CNTNAP2: variants seen among roughly 807,000 people sequenced by gnomAD.
CNTNAP2 encodes the protein contactin-associated protein-like 2.
Under a neutral mutation model 155.2 loss-of-function variants are expected in CNTNAP2, and 98 were observed. The observed-to-expected ratio is 0.63, with a 90% CI of 0.54 to 0.75. CNTNAP2 has a LOEUF of 0.75. CNTNAP2 is among the 30% of genes least tolerant of loss of function. CNTNAP2 has a pLI of 0.00. For missense variants in CNTNAP2, 1,727 were observed against 1,688.1 expected (o/e 1.02, Z -0.40); for synonymous variants, 651 against 631.2 (o/e 1.03, Z -0.47).
intron 13 of CNTNAP2, among the ~76,000 whole-genome samples, chr7:147,649,025 G>T (rs1400728640): frequency 6.6e-6 from 1 of 152,004 alleles, no homozygotes. Context: ...TTTTTTGTGT[G>T]CATGATTAGA....
chr7:148,391,138 A>G (rs56186268), intron 22 of CNTNAP2, among the ~76,000 whole-genome samples: 2,278 of 152,370 alleles, frequency 0.015, 69 homozygotes, highest in African/African-American at 0.051. Context: ...ATAAAGAGAG[A>G]ACAGGCTTCT....
chr7:146,788,092 G>A (rs562351255), intron 2 of CNTNAP2, among the ~76,000 whole-genome samples: 1 of 152,200 alleles, frequency 6.6e-6, no homozygotes, highest in African/African-American at 2.4e-5. Context: ...ACGGGACTTT[G>A]TGGCACCTAG....
At chr7:147,339,692 G>A (rs192373359) in intron 9 of CNTNAP2, among the ~76,000 whole-genome samples, 1 of 126,920 alleles carries the variant, frequency 7.9e-6, no homozygotes, top group Non-Finnish European at 1.8e-5. Context: ...ATCAAAGCAA[G>A]AATTTTTTTT....
At chr7:147,048,851 GT>G (rs1258283477) in intron 4 of CNTNAP2, among the ~76,000 whole-genome samples, 1 of 152,096 alleles carries the variant, frequency 6.6e-6, no homozygotes, top group Non-Finnish European at 1.5e-5. Context: ...TGTTTTAAGT[GT>G]CAGTCTCTAT....
chr7:146,927,839 G>A (rs1249210126), intron 3 of CNTNAP2, among the ~76,000 whole-genome samples: 1 of 151,634 alleles, frequency 6.6e-6, no homozygotes. Flanking sequence ...TTTCACAGGT[G>A]TAAATGGAAT....
rs539775710 is a variant in CNTNAP2, at chr7:147,102,852, G to C, written c.551-5295G>C. On this transcript the variant is annotated intron_variant, in intron 4 of 23. Coordinates refer to ENST00000361727, the MANE Select transcript of CNTNAP2 (RefSeq NM_014141.6). Reference sequence around the variant, plus strand: ...AGCAATGTGTAGATGGAATGAGATTGAGTCCACCAGAGTTGTGTCTGTTCT... The same window carrying C: ...AGCAATGTGTAGATGGAATGAGATTCAGTCCACCAGAGTTGTGTCTGTTCT... Among the ~76,000 whole-genome samples, 6 of 151,986 alleles carry C rather than the reference G, an allele frequency of 3.9e-5. No individual in the cohort carries two copies. In the East Asian group the frequency reaches 1.2e-3, roughly 29 times the overall value.
chr7:146,239,247 C>T (rs115431239), intron 1 of CNTNAP2, among the ~76,000 whole-genome samples: 1,629 of 152,130 alleles, frequency 0.011, 27 homozygotes, highest in African/African-American at 0.037. Flanking sequence ...TCTGCAGCTC[C>T]GGCTTTGTAC....
chr7:147,512,918 G>A (rs1213661239), intron 11 of CNTNAP2, among the ~76,000 whole-genome samples: 1 of 152,038 alleles, frequency 6.6e-6, no homozygotes, highest in Non-Finnish European at 1.5e-5. Context: ...ATTAGAGTTA[G>A]CAAGCAGAGC....
intron 3 of CNTNAP2, among the ~76,000 whole-genome samples, chr7:147,008,176 A>G (rs925400269): frequency 2.6e-5 from 4 of 152,248 alleles, no homozygotes; most frequent in South Asian, 2.1e-4. Flanking sequence ...CATTTGTAGT[A>G]ACAATAAGGA....
intron 3 of CNTNAP2, among the ~76,000 whole-genome samples, chr7:146,972,627 C>T (rs1797826470): frequency 6.6e-6 from 1 of 152,090 alleles, no homozygotes; most frequent in Non-Finnish European, 1.5e-5. Context: ...CTGCGTCTGC[C>T]TTTGTGGGTG....
At chr7:148,041,655 A>T (rs1387215745) in intron 15 of CNTNAP2, among the ~76,000 whole-genome samples, 1 of 152,242 alleles carries the variant, frequency 6.6e-6, no homozygotes, top group Non-Finnish European at 1.5e-5. Flanking sequence ...TGCATAACTA[A>T]ATTTTGATTA....
rs181408801 is a variant in CNTNAP2, at chr7:147,517,258, C to T, written c.1777+31217C>T. 1.5e-3 allele frequency among the ~76,000 whole-genome samples: 229 copies of T among 152,240 alleles called. 3 individuals are homozygous for T. Among genetic ancestry groups the T allele is most frequent in the African/African-American group, 5.2e-3 (218 of 41,548 alleles). ...GTGAAATGGGATCTGATGCTATTCA[C>T]AAAGAGTTCTTCTTAATGCTTCAGA... On this transcript the variant is annotated intron_variant, in intron 11 of 23. Coordinates refer to ENST00000361727, the MANE Select transcript of CNTNAP2 (RefSeq NM_014141.6).
At chr7:147,066,375 G>A (rs918146600) in intron 4 of CNTNAP2, among the ~76,000 whole-genome samples, 2 of 152,182 alleles carry the variant, frequency 1.3e-5, no homozygotes, top group African/African-American at 4.8e-5. Flanking sequence ...TGACACAGCA[G>A]ACGGTGGCTT....
chr7:146,220,688 T>C (rs1027973358), intron 1 of CNTNAP2, among the ~76,000 whole-genome samples: 3 of 152,182 alleles, frequency 2.0e-5, no homozygotes, highest in East Asian at 1.9e-4. Context: ...ATAAAATATA[T>C]AATATCTGAT....
rs543421880 is a variant in CNTNAP2 at position 147,836,793 on chromosome 7, G to T, written c.2099-66772G>T. 7.4e-4 allele frequency among the ~76,000 whole-genome samples: 113 copies of T among 152,276 alleles called. 1 individual carries two copies. The South Asian group carries it at 0.021, about 29-fold the overall frequency. ...GAGTGATAGTATTTAGCCTTGGATG[G>T]AGCTCTTGTCTGTTATTCAAACTTA... On this transcript the variant is annotated intron_variant, in intron 13 of 23. Transcript: ENST00000361727.
At chr7:146,930,512 A>G (rs906325201) in intron 3 of CNTNAP2, among the ~76,000 whole-genome samples, 1 of 152,246 alleles carries the variant, frequency 6.6e-6, no homozygotes, top group Non-Finnish European at 1.5e-5. Flanking sequence ...CATCGATGCT[A>G]GGAAGAAACT....
intron 11 of CNTNAP2, among the ~76,000 whole-genome samples, chr7:147,550,140 T>A (rs906877480): frequency 2.6e-5 from 4 of 152,204 alleles, no homozygotes; most frequent in Non-Finnish European, 5.9e-5. Flanking sequence ...CTCAATTTGA[T>A]CATGATTGAA....
chr7:147,092,232 G>C (rs992274581), intron 4 of CNTNAP2, among the ~76,000 whole-genome samples: 108 of 152,312 alleles, frequency 7.1e-4, no homozygotes, highest in African/African-American at 2.5e-3. Context: ...CTTTCCCAAT[G>C]ACCCCCTCAA....
At chr7:147,907,298 T>A (rs1469279919) in intron 14 of CNTNAP2, among the ~76,000 whole-genome samples, 2 of 152,180 alleles carry the variant, frequency 1.3e-5, no homozygotes, top group Non-Finnish European at 2.9e-5. Flanking sequence ...CCTCGTGATC[T>A]GCCCACCTCG....
Sources: allele counts gnomAD v4.1 joint callset (sites outside exome capture counted in the v4.1 genomes callset), GRCh38; gene constraint gnomAD v4.1.1; transcripts MANE v1.5; gene names NCBI Gene and HGNC (gene_info 2026-07-23, HGNC 2026-07-21).